Variants in IQSEC2 observed in about 807,000 individuals in gnomAD.
IQSEC2 encodes IQ motif and SEC7 domain-containing protein 2.
In IQSEC2, 6 loss-of-function variants were observed where a neutral mutation model predicts 74.6. That is an observed-to-expected ratio of 0.08 (90% CI 0.04 to 0.16). The LOEUF (loss-of-function observed/expected upper bound fraction) is 0.16. Among genes scored for constraint, IQSEC2 ranks in the 10% least tolerant of loss-of-function variants. The pLI is 1.00. For missense variants in IQSEC2, 734 were observed against 1,306.2 expected (o/e 0.56, Z 6.75); for synonymous variants, 494 against 544.5 (o/e 0.91, Z 1.29).
At chrX:53,288,777 G>C (rs2075060082) in intron 2 of IQSEC2, among the ~76,000 whole-genome samples, 1 of 112,333 alleles carries the variant, frequency 8.9e-6, no homozygotes, top group Non-Finnish European at 1.9e-5. Flanking sequence ...AAGAACCAGA[G>C]AAGTTAAGTG....
chrX:53,308,031 G>A (rs1373474310), intron 1 of IQSEC2, among the ~76,000 whole-genome samples: 1 of 109,144 alleles, frequency 9.2e-6, no homozygotes, highest in Non-Finnish European at 1.9e-5. Flanking sequence ...GGGCATAGTG[G>A]TGGGCACCTG....
chrX:53,276,874 A>G (rs1164627326), intron 2 of IQSEC2, among the ~76,000 whole-genome samples: 1 of 112,551 alleles, frequency 8.9e-6, no homozygotes, highest in African/African-American at 3.2e-5. Context: ...ATAAATTACA[A>G]TAACATTTCC....
intron 1 of IQSEC2, among the ~76,000 whole-genome samples, chrX:53,307,010 C>T (rs1303208178): frequency 9.0e-6 from 1 of 110,635 alleles, no homozygotes; most frequent in Non-Finnish European, 1.9e-5. Context: ...CCCCAACCCC[C>T]AGACCTAGAA....
In IQSEC2 at chrX:53,250,593, G is replaced by C. The variant is rs1208387847; in HGVS notation, c.1983C>G (p.Pro661=). 8.3e-7 allele frequency: 1 copy of C among 1,207,560 alleles called. No individual in the cohort carries two copies. The highest frequency in any genetic ancestry group is 1.1e-6 in the Non-Finnish European group (1 of 893,596). ...TGCCACTGTTGGGGGCTGGTGGCAG[G>C]GGCCCTGGTGGGGCTGGGGCTGGGC... ...PEGPAPAPPG[P]LPPAPNSGTG... is the part of the protein sequence containing the mutation. The change falls in exon 5 of 15, where the codon CCC becomes CCG. Residue 661 remains proline (P), a synonymous_variant. Coordinates refer to ENST00000642864, the MANE Select transcript of IQSEC2 (RefSeq NM_001111125.3).
chrX:53,268,335 C>T (rs910768097), intron 2 of IQSEC2, among the ~76,000 whole-genome samples: 6 of 111,253 alleles, frequency 5.4e-5, no homozygotes, highest in Middle Eastern at 4.6e-3. Context: ...CAAGCACACA[C>T]ACGCACGCAC....
At chrX:53,251,215 A>C (rs782572936) in intron 4 of IQSEC2, 41 bp from the exon 5 acceptor site, 15 of 1,158,647 alleles carry the variant, frequency 1.3e-5, no homozygotes, top group Non-Finnish European at 1.6e-5. Flanking sequence ...GGGAGAGAAA[A>C]GAAAGAAAGA....
chrX:53,241,702 A>G (rs1321489124), intron 10 of IQSEC2, 82 bp downstream of exon 10: 1 of 1,160,639 alleles, frequency 8.6e-7, no homozygotes, highest in Non-Finnish European at 1.2e-6. Flanking sequence ...CACACCACAC[A>G]CCTACATCAA....
At chrX:53,288,235 G>A (rs1273918588) in intron 2 of IQSEC2, among the ~76,000 whole-genome samples, 1 of 111,487 alleles carries the variant, frequency 9.0e-6, no homozygotes, top group Non-Finnish European at 1.9e-5. Context: ...GCCAAGAGGT[G>A]AAAACAAGAG....
intron 2 of IQSEC2, among the ~76,000 whole-genome samples, chrX:53,257,211 GAGGCAA>G (rs1423081314): frequency 8.9e-6 from 1 of 112,255 alleles, no homozygotes; most frequent in Non-Finnish European, 1.9e-5. Context: ...CTATTCGGCA[GAGGCAA>G]AGGCAAAGGG....
intron 1 of IQSEC2, among the ~76,000 whole-genome samples, chrX:53,308,389 A>C (rs2075288513): frequency 9.1e-6 from 1 of 110,166 alleles, no homozygotes; most frequent in African/African-American, 3.3e-5. Flanking sequence ...TTTTAAAACA[A>C]TCCTGGGAGT....
At chrX:53,283,635 A>G (rs1285188900) in intron 2 of IQSEC2, among the ~76,000 whole-genome samples, 1 of 111,945 alleles carries the variant, frequency 8.9e-6, no homozygotes, top group Non-Finnish European at 1.9e-5. Flanking sequence ...ACAGCTGAGC[A>G]TGCTGAACAG....
chrX:53,274,132 C>T (rs1384063909), intron 2 of IQSEC2, among the ~76,000 whole-genome samples: 11 of 111,888 alleles, frequency 9.8e-5, no homozygotes, highest in Non-Finnish European at 1.5e-4. Flanking sequence ...AGAATGATAT[C>T]CTACAAGGGC....
At chrX:53,318,408 C>T (rs1278187926) in intron 1 of IQSEC2, among the ~76,000 whole-genome samples, 5 of 112,247 alleles carry the variant, frequency 4.5e-5, no homozygotes, top group Non-Finnish European at 9.4e-5. Flanking sequence ...TAGGCCTGCA[C>T]GGATAGCAGA....
chrX:53,265,952 G>A (rs188997324), intron 2 of IQSEC2, among the ~76,000 whole-genome samples: 2 of 112,591 alleles, frequency 1.8e-5, no homozygotes, highest in Admixed American at 1.9e-4. Flanking sequence ...TGTAGAAATA[G>A]AAATCATAAA....
At chrX:53,235,734 C>CGGGGCAGGGCTCATGCAGAGGACGAGT (rs2074116783) in intron 14 of IQSEC2, 49 bp downstream of exon 14, 25 of 1,144,903 alleles carry the variant, frequency 2.2e-5, no homozygotes, top group Non-Finnish European at 2.8e-5. Context: ...TCTCCATGGC[C>CGGGGCAGGGCTCATGCAGAGGACGAGT]GGGGCAGGGC....
chrX:53,244,420 G>A (rs1450385628), intron 8 of IQSEC2, among the ~76,000 whole-genome samples: 3 of 107,510 alleles, frequency 2.8e-5, no homozygotes, highest in African/African-American at 1.0e-4. Context: ...CAGCTACTTG[G>A]GAGGCTGAAG....
At chrX:53,275,563 AGATGTCT>A (rs1556869371) in intron 2 of IQSEC2, among the ~76,000 whole-genome samples, 33 of 111,522 alleles carry the variant, frequency 3.0e-4, no homozygotes, top group African/African-American at 1.1e-3. Context: ...CACTGATTTG[AGATGTCT>A]TTTGTCATGA....
rs188311967 is a variant in IQSEC2, at chrX:53,264,176, C to T, written c.738-8115G>A. ...TCAACCTCACACTCAGAATTCCTCACACCCAGTCTCACATCATCACATTTC... is the reference window on the plus strand; with the variant it reads ...TCAACCTCACACTCAGAATTCCTCATACCCAGTCTCACATCATCACATTTC... On this transcript the variant is annotated intron_variant, in intron 2 of 14. Transcript: ENST00000642864. 3.1e-4 allele frequency among the ~76,000 whole-genome samples: 35 copies of T among 112,497 alleles called. No individual in the cohort carries two copies. In the East Asian group the frequency reaches 9.0e-3, roughly 29 times the overall value.
chrX:53,254,059 AG>A (rs782552464), intron 4 of IQSEC2, among the ~76,000 whole-genome samples: 1 of 112,217 alleles, frequency 8.9e-6, no homozygotes, highest in Non-Finnish European at 1.9e-5. Flanking sequence ...GGCCGGGCAC[AG>A]TGGCTCACGC....
Sources: gnomAD v4.1 joint callset for allele counts (sites outside exome capture counted in the v4.1 genomes callset) on GRCh38, gnomAD v4.1.1 for gene constraint, MANE v1.5 for transcripts, NCBI Gene and HGNC (gene_info 2026-07-23, HGNC 2026-07-21) for gene names.